Variants in MRAS observed in about 807,000 individuals in gnomAD.
The protein encoded by MRAS is muscle RAS oncogene homolog.
Under a neutral mutation model 20.9 loss-of-function variants are expected in MRAS, and 4 were observed. The observed-to-expected ratio is 0.19, with a 90% CI of 0.09 to 0.44. The LOEUF is 0.44. MRAS is among the 20% of genes least tolerant of loss of function. MRAS has a pLI of 0.99. For missense variants in MRAS, 154 were observed against 277.5 expected, an observed-to-expected ratio of 0.56 and a Z score of 3.16; for synonymous variants, 98 against 102.9, an observed-to-expected ratio of 0.95 and a Z score of 0.29.
intron 1 of MRAS, among the ~76,000 whole-genome samples, chr3:138,357,469 C>T (rs1408391891): frequency 2.0e-5 from 3 of 152,250 alleles, no homozygotes; most frequent in Non-Finnish European, 4.4e-5. Context: ...TTCTCTAGTC[C>T]AGTTATACTG....
chr3:138,365,939 C>T (rs1194589520), intron 1 of MRAS, among the ~76,000 whole-genome samples: 4 of 152,182 alleles, frequency 2.6e-5, no homozygotes, highest in Admixed American at 6.5e-5. Context: ...GTGGTTAGGG[C>T]TTAATAACGG....
rs370254337 is a variant in MRAS at position 138,402,301 on chromosome 3, G to T, written c.*32G>T. The T allele has an allele frequency of 6.3e-7, 1 of 1,583,718 alleles. No homozygotes were observed. Among genetic ancestry groups the T allele is most frequent in the African/African-American group, 1.3e-5 (1 of 74,258 alleles). On this transcript the variant is annotated 3_prime_UTR_variant, in exon 6 of 6. Coordinates refer to ENST00000423968, the MANE Select transcript of MRAS (RefSeq NM_001085049.3). The stretch of plus-strand genomic sequence containing the variant: ...TGAGGCCCTGGGCACAGTGACGGTG[G>T]CCTGGCCAGCCCTCGGGACCCCTCC...
chr3:138,355,324 C>G (rs964052501), intron 1 of MRAS, among the ~76,000 whole-genome samples: 5 of 152,192 alleles, frequency 3.3e-5, no homozygotes, highest in Non-Finnish European at 4.4e-5. Context: ...TCTCACCCAA[C>G]TGTTTGCAGC....
chr3:138,398,652 A>C, intron 4 of MRAS, 84 bp downstream of exon 4: 2 of 1,197,404 alleles, frequency 1.7e-6, no homozygotes, highest in Non-Finnish European at 2.5e-6. Flanking sequence ...GGTCTTTGGA[A>C]ATGAAACTAC....
At chr3:138,400,362 A>T (rs1341844449) in intron 4 of MRAS, 172 bp from the exon 5 acceptor site, 1 of 618,586 alleles carries the variant, frequency 1.6e-6, no homozygotes, top group African/African-American at 1.8e-5. Flanking sequence ...ACACTTTCCA[A>T]CCTGAAAGAG....
At chr3:138,356,944 T>G (rs2054348121) in intron 1 of MRAS, among the ~76,000 whole-genome samples, 1 of 152,110 alleles carries the variant, frequency 6.6e-6, no homozygotes, top group Admixed American at 6.5e-5. Flanking sequence ...AATCCACTAA[T>G]CTGGGGCTGG....
In MRAS at chr3:138,397,497, G is replaced by A; in HGVS notation, c.347+20G>A. The A allele has an allele frequency of 6.2e-7, 1 of 1,613,782 alleles. No homozygotes were observed. Among genetic ancestry groups the A allele is most frequent in the Non-Finnish European group, 8.5e-7 (1 of 1,179,762 alleles). On this transcript the variant is annotated intron_variant, in intron 3 of 5. Coordinates refer to ENST00000423968, the MANE Select transcript of MRAS (RefSeq NM_001085049.3). ...AGACAGGTGAGCATCAAAGACAGGTGAGAGTACCGGGAAGAGGCCTGCGCC... is the reference window on the plus strand; with the variant it reads ...AGACAGGTGAGCATCAAAGACAGGTAAGAGTACCGGGAAGAGGCCTGCGCC...
rs1264316787 is a variant in MRAS at position 138,403,053 on chromosome 3, G to A, written c.*784G>A. Reference sequence around the variant, plus strand: ...TAGAAAACAGATTGTATTTTGCTGAGGGGAGTGGCTGTCATGAGCATGTCA... The same window carrying A: ...TAGAAAACAGATTGTATTTTGCTGAAGGGAGTGGCTGTCATGAGCATGTCA... On this transcript the variant is annotated 3_prime_UTR_variant, in exon 6 of 6. Transcript: ENST00000423968. 3.3e-5 allele frequency: 5 copies of A among 152,276 alleles called. No homozygotes were observed. The East Asian group carries it at 7.7e-4, about 23-fold the overall frequency. The allele number at this position is 152,276 out of a possible 1,614,324, so 9.4% of individuals were successfully genotyped here.
chr3:138,357,178 A>AG (rs1273664933), intron 1 of MRAS, among the ~76,000 whole-genome samples: 1 of 152,360 alleles, frequency 6.6e-6, no homozygotes, highest in East Asian at 1.9e-4. Flanking sequence ...GAAAGACGGC[A>AG]GGGCTGGGAG....
chr3:138,356,950 G>T (rs972944389), intron 1 of MRAS, among the ~76,000 whole-genome samples: 30 of 152,354 alleles, frequency 2.0e-4, no homozygotes, highest in African/African-American at 6.7e-4. Context: ...CTAATCTGGG[G>T]CTGGGTGGGT....
intron 2 of MRAS, among the ~76,000 whole-genome samples, chr3:138,382,032 G>C (rs2054916679): frequency 6.6e-6 from 1 of 152,206 alleles, no homozygotes; most frequent in African/African-American, 2.4e-5. Flanking sequence ...AGAATGGGGT[G>C]CAGGCAGAGC....
Position 138,402,261 on chromosome 3 carries a change from A to C in MRAS, c.619A>C (p.Ile207Leu). ...ATGTHKLQCV[I>L]L ...AGGCACCCACAAACTGCAATGTGTGATCTTGTGACAGGCCTGAGGCCCTGG... is the reference window on the plus strand; with the variant it reads ...AGGCACCCACAAACTGCAATGTGTGCTCTTGTGACAGGCCTGAGGCCCTGG... Residue 207 changes from isoleucine (I) to leucine (L), a missense_variant, in exon 6 of 6, where the codon ATC becomes CTC. By Grantham distance (5) the Ile-to-Leu change is conservative. Coordinates refer to ENST00000423968, the MANE Select transcript of MRAS (RefSeq NM_001085049.3). The C allele has an allele frequency of 1.9e-6, 3 of 1,614,138 alleles. No homozygotes were observed. The African/African-American group carries it at 4.0e-5, about 22-fold the overall frequency.
intron 1 of MRAS, among the ~76,000 whole-genome samples, chr3:138,366,798 G>A (rs962256338): frequency 2.0e-5 from 3 of 152,198 alleles, no homozygotes; most frequent in Non-Finnish European, 2.9e-5. Context: ...CTCCTTCTGG[G>A]CACCATTTTT....
intron 5 of MRAS, among the ~76,000 whole-genome samples, chr3:138,401,214 C>T (rs963616204): frequency 1.3e-5 from 2 of 152,192 alleles, no homozygotes; most frequent in African/African-American, 2.4e-5. Context: ...TGGCTGCATC[C>T]GCTGTCACCA....
chr3:138,386,243 C>G (rs979248196), intron 2 of MRAS, among the ~76,000 whole-genome samples: 3 of 151,980 alleles, frequency 2.0e-5, no homozygotes, highest in Non-Finnish European at 4.4e-5. Flanking sequence ...CAAAACCCCC[C>G]TTACCCATGA....
chr3:138,359,766 C>G lies in MRAS; in HGVS notation c.-19+10999C>G, dbSNP rs528979417. 3.0e-3 allele frequency among the ~76,000 whole-genome samples: 456 copies of G among 152,260 alleles called. 1 individual carries two copies. Among genetic ancestry groups the G allele is most frequent in the African/African-American group, 9.8e-3 (407 of 41,552 alleles). ...GATCATTTCCTTTGATCTCACACCT[C>G]CTTGCACCAAAGCCAGGCCAAGCCA... On this transcript the variant is annotated intron_variant, in intron 1 of 5. Coordinates refer to ENST00000423968, the MANE Select transcript of MRAS (RefSeq NM_001085049.3).
intron 1 of MRAS, among the ~76,000 whole-genome samples, chr3:138,356,067 G>A (rs1054563878): frequency 1.2e-4 from 18 of 152,338 alleles, no homozygotes; most frequent in Middle Eastern, 3.4e-3. Context: ...AATGGAAGCC[G>A]TACCAGTGAA....
chr3:138,402,391 G>A lies in MRAS; in HGVS notation c.*122G>A. The stretch of plus-strand genomic sequence containing the variant: ...TGGCCCAAGGACTTGGTACAGGAAG[G>A]GAGAAGGGCAGGTGGGCAGGGAGCA... On this transcript the variant is annotated 3_prime_UTR_variant, in exon 6 of 6. Transcript: ENST00000423968. 1.2e-6 allele frequency: 1 copy of A among 855,458 alleles called. No homozygotes were observed. Among genetic ancestry groups the A allele is most frequent in the Non-Finnish European group, 1.8e-6 (1 of 546,798 alleles). 53.0% of individuals were successfully genotyped at this position (855,458 alleles called of 1,614,324 possible). A position where few individuals can be genotyped will look rare whatever the true frequency, so the allele number is the denominator to read the frequency against.
intron 1 of MRAS, among the ~76,000 whole-genome samples, chr3:138,367,052 C>A (rs1333927759): frequency 6.6e-6 from 1 of 152,172 alleles, no homozygotes; most frequent in East Asian, 1.9e-4. Context: ...AGGGGTAAGA[C>A]CCACTGAGCC....
Sources: allele counts gnomAD v4.1 joint callset (sites outside exome capture counted in the v4.1 genomes callset), GRCh38; gene constraint gnomAD v4.1.1; transcripts MANE v1.5; gene names NCBI Gene and HGNC (gene_info 2026-07-23, HGNC 2026-07-21).